The following KCNH7 variants were observed in gnomAD, a reference collection of about 807,000 sequenced individuals.
KCNH7 encodes the protein voltage-gated inwardly rectifying potassium channel KCNH7.
Under a neutral mutation model 120.8 loss-of-function variants are expected in KCNH7, and 49 were observed. That is an observed-to-expected ratio of 0.41 (90% CI 0.32 to 0.51). KCNH7 has a LOEUF of 0.51. Ranked by LOEUF, KCNH7 falls within the 20% of genes least tolerant of loss-of-function variation. KCNH7 has a pLI of 0.38. For missense variants in KCNH7, 1,097 were observed against 1,446.6 expected, an observed-to-expected ratio of 0.76 and a Z score of 3.92; for synonymous variants, 547 against 516.1, an observed-to-expected ratio of 1.06 and a Z score of -0.81.
chr2:162,618,446 C>G (rs994863405), intron 2 of KCNH7, among the ~76,000 whole-genome samples: 1 of 152,016 alleles, frequency 6.6e-6, no homozygotes, highest in East Asian at 1.9e-4. Context: ...TAAGAGGACA[C>G]ACATACGTGC....
At chr2:162,704,109 A>T (rs1686610675) in intron 2 of KCNH7, among the ~76,000 whole-genome samples, 1 of 152,150 alleles carries the variant, frequency 6.6e-6, no homozygotes, top group African/African-American at 2.4e-5. Context: ...TGAACTTTTC[A>T]TATGAGATTG....
At chr2:162,753,579 T>C (rs897081002) in intron 2 of KCNH7, among the ~76,000 whole-genome samples, 10 of 152,092 alleles carry the variant, frequency 6.6e-5, no homozygotes, top group South Asian at 2.1e-4. Flanking sequence ...GGAGAATGCC[T>C]TATATTTTTT....
rs564923254 is a variant in KCNH7, at chr2:162,429,293, A to G, written c.1955-5758T>C. Among the ~76,000 whole-genome samples the G allele has an allele frequency of 1.9e-4, 29 of 150,888 alleles. No homozygotes were observed. In the East Asian group the frequency reaches 4.3e-3, roughly 22 times the overall value. On this transcript the variant is annotated intron_variant, in intron 8 of 15. Coordinates refer to ENST00000332142, the MANE Select transcript of KCNH7 (RefSeq NM_033272.4). ...TCATTGTCATAATTTCTCCTTCTACATATGTTATAAAACCTGCACATTCAT... is the reference window on the plus strand; with the variant it reads ...TCATTGTCATAATTTCTCCTTCTACGTATGTTATAAAACCTGCACATTCAT...
chr2:162,372,164 A>C, intron 15 of KCNH7, 69 bp from the exon 16 acceptor site: 1 of 1,245,586 alleles, frequency 8.0e-7, no homozygotes. Flanking sequence ...AATTACACTA[A>C]TAAAAACTTA....
chr2:162,629,124 C>A (rs1683666664), intron 2 of KCNH7, among the ~76,000 whole-genome samples: 2 of 152,074 alleles, frequency 1.3e-5, no homozygotes, highest in Non-Finnish European at 1.5e-5. Context: ...CCCACACAGG[C>A]CAACGCTGAC....
At chr2:162,580,234 A>G (rs1480132421) in intron 2 of KCNH7, among the ~76,000 whole-genome samples, 1 of 152,066 alleles carries the variant, frequency 6.6e-6, no homozygotes, top group Admixed American at 6.6e-5. Flanking sequence ...TCCATCACTT[A>G]CAAATGATGT....
intron 2 of KCNH7, among the ~76,000 whole-genome samples, chr2:162,620,106 T>C (rs1034922207): frequency 2.0e-5 from 3 of 150,168 alleles, no homozygotes; most frequent in Non-Finnish European, 4.4e-5. Context: ...AAAAAATCTA[T>C]AAAAAAAGGA....
At chr2:162,717,036 G>T (rs758069141) in intron 2 of KCNH7, among the ~76,000 whole-genome samples, 1 of 151,966 alleles carries the variant, frequency 6.6e-6, no homozygotes, top group Non-Finnish European at 1.5e-5. Context: ...AAACCTAAAT[G>T]TAAATAAATG....
chr2:162,506,444 T>C (rs1274969228), intron 5 of KCNH7, among the ~76,000 whole-genome samples: 1 of 151,846 alleles, frequency 6.6e-6, no homozygotes, highest in Non-Finnish European at 1.5e-5. Flanking sequence ...AGTTTGTAAA[T>C]TATGCTAGGA....
At chr2:162,475,246 G>T (rs1223204695) in intron 6 of KCNH7, among the ~76,000 whole-genome samples, 1 of 152,170 alleles carries the variant, frequency 6.6e-6, no homozygotes, top group Non-Finnish European at 1.5e-5. Flanking sequence ...CTACTTAAAA[G>T]AATTTTTCCA....
intron 2 of KCNH7, among the ~76,000 whole-genome samples, chr2:162,821,252 T>C (rs1160452211): frequency 1.3e-5 from 2 of 152,246 alleles, no homozygotes; most frequent in Non-Finnish European, 2.9e-5. Context: ...TTACCTTTAG[T>C]CCATTGCTGT....
In KCNH7 at chr2:162,442,424, A is replaced by AT. The variant is rs1017322751; in HGVS notation, c.1554+3593dup. 1.2e-4 allele frequency among the ~76,000 whole-genome samples: 19 copies of AT among 152,002 alleles called. No individual in the cohort carries two copies. The East Asian group carries it at 1.7e-3, about 14-fold the overall frequency. ...ATTACATAATATAGATACAAAGTTG[A>AT]TTTTTTTTCTAGGGTTGAATGTAAA... is the stretch of plus-strand genomic sequence containing the variant. On this transcript the variant is annotated intron_variant, in intron 7 of 15. Transcript: ENST00000332142.
At chr2:162,639,492 A>G (rs577843155) in intron 2 of KCNH7, among the ~76,000 whole-genome samples, 1 of 152,230 alleles carries the variant, frequency 6.6e-6, no homozygotes, top group African/African-American at 2.4e-5. Context: ...GACTAACCCC[A>G]AAGCTCATGC....
chr2:162,709,796 T>C (rs1686856423), intron 2 of KCNH7, among the ~76,000 whole-genome samples: 2 of 152,196 alleles, frequency 1.3e-5, no homozygotes, highest in South Asian at 4.1e-4. Context: ...AAGAACTCTT[T>C]ATCTTCATTA....
At chr2:162,747,121 G>T (rs184420845) in intron 2 of KCNH7, among the ~76,000 whole-genome samples, 293 of 152,234 alleles carry the variant, frequency 1.9e-3, no homozygotes, top group Non-Finnish European at 3.3e-3. Flanking sequence ...TTCAACTCCA[G>T]ACTGTAGCAG....
At chr2:162,766,890 C>T (rs1184438575) in intron 2 of KCNH7, among the ~76,000 whole-genome samples, 1 of 150,766 alleles carries the variant, frequency 6.6e-6, no homozygotes, top group African/African-American at 2.5e-5. Context: ...CACACACACA[C>T]ACACACACAC....
chr2:162,632,529 T>G (rs1683810888), intron 2 of KCNH7, among the ~76,000 whole-genome samples: 2 of 151,948 alleles, frequency 1.3e-5, no homozygotes, highest in African/African-American at 4.8e-5. Context: ...CAATTCATTA[T>G]GAAAAAGAAA....
intron 14 of KCNH7, among the ~76,000 whole-genome samples, chr2:162,373,994 TTTAA>T (rs1182072986): frequency 6.6e-6 from 1 of 152,176 alleles, no homozygotes; most frequent in Non-Finnish European, 1.5e-5. Flanking sequence ...GTCTTTGCTT[TTTAA>T]TTAGGTTTTA....
At chr2:162,821,837 G>A (rs571154057) in intron 2 of KCNH7, among the ~76,000 whole-genome samples, 5 of 151,968 alleles carry the variant, frequency 3.3e-5, no homozygotes, top group African/African-American at 1.2e-4. Context: ...CTAAATCCTG[G>A]GGAGTGGAGG....
Sources: allele counts gnomAD v4.1 joint callset (sites outside exome capture counted in the v4.1 genomes callset), GRCh38; gene constraint gnomAD v4.1.1; transcripts MANE v1.5; gene names NCBI Gene and HGNC (gene_info 2026-07-23, HGNC 2026-07-21).